The following SPOCK3 variants were observed in gnomAD, a reference collection of about 807,000 sequenced individuals.
SPOCK3 encodes SPARC (osteonectin), cwcv and kazal like domains proteoglycan 3, also known as testican-3.
A neutral mutation model predicts 56.6 loss-of-function variants in SPOCK3; 30 were observed. The observed-to-expected ratio is 0.53, with a 90% confidence interval of 0.40 to 0.72. The LOEUF is 0.72. SPOCK3 is among the 30% of genes least tolerant of loss of function. The probability of loss-of-function intolerance (pLI) is 0.00; values close to 1 mark genes in which losing one functional copy is unlikely to be tolerated. For missense variants in SPOCK3, 527 were observed against 530.0 expected, an observed-to-expected ratio of 0.99 and a Z score of 0.06; for synonymous variants, 196 against 183.3, an observed-to-expected ratio of 1.07 and a Z score of -0.56.
rs148762838 is a variant in SPOCK3, at chr4:166,859,912, G to C, written c.589+29218C>G. The stretch of plus-strand genomic sequence containing the variant: ...ATATTTTATAAGTAATCTGTGAAGA[G>C]AGTTTACAAATGTATCGGTGACAAG... On this transcript the variant is annotated intron_variant, in intron 6 of 10. Coordinates refer to ENST00000357545, the MANE Select transcript of SPOCK3 (RefSeq NM_001040159.2). Among the ~76,000 whole-genome samples the C allele has an allele frequency of 2.5e-3, 377 of 152,190 alleles. 2 individuals are homozygous for C. Among genetic ancestry groups the C allele is most frequent in the African/African-American group, 8.4e-3 (348 of 41,540 alleles).
At chr4:167,073,035 T>C (rs1756834010) in intron 2 of SPOCK3, among the ~76,000 whole-genome samples, 1 of 151,770 alleles carries the variant, frequency 6.6e-6, no homozygotes, top group Admixed American at 6.6e-5. Flanking sequence ...TCCATATTTA[T>C]TTTGCATTCT....
intron 6 of SPOCK3, among the ~76,000 whole-genome samples, chr4:166,841,079 G>A (rs1010914600): frequency 6.6e-5 from 10 of 151,074 alleles, no homozygotes; most frequent in East Asian, 5.8e-4. Context: ...CGCCCGGCCC[G>A]CAGAAGTTTT....
At chr4:166,752,561 TATATATATATATACAC>T (rs1321612225) in intron 8 of SPOCK3, among the ~76,000 whole-genome samples, 6 of 27,862 alleles carry the variant, frequency 2.2e-4, no homozygotes, top group Admixed American at 1.2e-3. Context: ...TGTATATATA[TATATATATATATACAC>T]ACACACACAC....
intron 3 of SPOCK3, among the ~76,000 whole-genome samples, chr4:167,018,539 C>A (rs1750865010): frequency 6.6e-6 from 1 of 152,106 alleles, no homozygotes; most frequent in Non-Finnish European, 1.5e-5. Context: ...GGCATCTGTG[C>A]ACTCGATGAC....
chr4:166,903,102 ATATT>A (rs1479094775), intron 5 of SPOCK3, among the ~76,000 whole-genome samples: 3 of 147,218 alleles, frequency 2.0e-5, no homozygotes, highest in African/African-American at 7.4e-5. Context: ...TATTTAATTT[ATATT>A]TATTTATAAA....
intron 3 of SPOCK3, among the ~76,000 whole-genome samples, chr4:167,028,358 CAG>C (rs1751920176): frequency 6.6e-6 from 1 of 151,328 alleles, no homozygotes; most frequent in South Asian, 2.1e-4. Context: ...GCCTGTGTGA[CAG>C]AGTGAAACCG....
chr4:166,879,867 T>G (rs1388753441), intron 6 of SPOCK3, among the ~76,000 whole-genome samples: 2 of 152,074 alleles, frequency 1.3e-5, no homozygotes. Flanking sequence ...TCTCATAAGA[T>G]CTGGTTGTTT....
intron 3 of SPOCK3, among the ~76,000 whole-genome samples, chr4:167,056,669 T>G (rs1489913317): frequency 6.6e-6 from 1 of 151,976 alleles, no homozygotes; most frequent in Non-Finnish European, 1.5e-5. Context: ...TGCGATCAAC[T>G]GGAAGAAAGG....
intron 2 of SPOCK3, among the ~76,000 whole-genome samples, chr4:167,197,610 GA>G (rs34905918): frequency 0.23 from 32,512 of 139,884 alleles, 3,612 homozygotes; most frequent in Admixed American, 0.3. Flanking sequence ...CCTTCAACCA[GA>G]AAAAAAAAAA....
chr4:167,202,657 A>G (rs1733631067), intron 2 of SPOCK3, among the ~76,000 whole-genome samples: 1 of 151,984 alleles, frequency 6.6e-6, no homozygotes, highest in Non-Finnish European at 1.5e-5. Context: ...TCAACTGTGA[A>G]GGGTAGAGAT....
intron 3 of SPOCK3, among the ~76,000 whole-genome samples, chr4:167,002,374 C>A (rs1487852668): frequency 6.6e-6 from 1 of 151,606 alleles, no homozygotes; most frequent in African/African-American, 2.4e-5. Flanking sequence ...TTTACATAAC[C>A]ATGAGATTTA....
At chr4:167,073,748 AT>A (rs1246898129) in intron 2 of SPOCK3, among the ~76,000 whole-genome samples, 2 of 151,922 alleles carry the variant, frequency 1.3e-5, no homozygotes, top group African/African-American at 4.8e-5. Context: ...TTCTACATGT[AT>A]AAATTGAGAA....
chr4:166,750,704 C>T (rs1391768093), intron 8 of SPOCK3, among the ~76,000 whole-genome samples: 1 of 152,054 alleles, frequency 6.6e-6, no homozygotes, highest in East Asian at 1.9e-4. Context: ...AGTAACAATG[C>T]ACTTTTATTT....
chr4:166,967,704 C>T lies in SPOCK3; in HGVS notation c.350+32645G>A, dbSNP rs574375577. 3.9e-5 allele frequency among the ~76,000 whole-genome samples: 6 copies of T among 152,212 alleles called. No homozygotes were observed. The South Asian group carries it at 1.0e-3, about 26-fold the overall frequency. ...CCCACTCTTGGGTAATTCTTTATTGCAGTGTGAGAATTAATACAGAAAATT... is the reference window on the plus strand; with the variant it reads ...CCCACTCTTGGGTAATTCTTTATTGTAGTGTGAGAATTAATACAGAAAATT... On this transcript the variant is annotated intron_variant, in intron 4 of 10. Coordinates refer to ENST00000357545, the MANE Select transcript of SPOCK3 (RefSeq NM_001040159.2).
chr4:167,020,856 A>G (rs1751099528), intron 3 of SPOCK3, among the ~76,000 whole-genome samples: 1 of 152,046 alleles, frequency 6.6e-6, no homozygotes, highest in Non-Finnish European at 1.5e-5. Flanking sequence ...AACAATCAAA[A>G]CAGCATGTTT....
At chr4:167,201,230 C>A (rs577549502) in intron 2 of SPOCK3, among the ~76,000 whole-genome samples, 1 of 152,046 alleles carries the variant, frequency 6.6e-6, no homozygotes, top group South Asian at 2.1e-4. Context: ...ACTGTATTAT[C>A]TCTTTTCAAC....
Position 166,754,741 on chromosome 4 carries a change from A to C in SPOCK3, c.710-12T>G. On this transcript the variant is annotated splice_polypyrimidine_tract_variant and intron_variant, in intron 7 of 10. Coordinates refer to ENST00000357545, the MANE Select transcript of SPOCK3 (RefSeq NM_001040159.2). ...GCTGGTATCGAATCCTAAAGGCAAA[A>C]AAAAGAAAATGATTAGTTAAATATG... 1 of 1,612,446 alleles carries C rather than the reference A, an allele frequency of 6.2e-7. No homozygotes were observed. Among genetic ancestry groups the C allele is most frequent in the Middle Eastern group, 1.7e-4 (1 of 6,056 alleles).
chr4:166,952,950 C>G (rs539283658), intron 4 of SPOCK3, among the ~76,000 whole-genome samples: 9 of 147,856 alleles, frequency 6.1e-5, no homozygotes, highest in Non-Finnish European at 8.9e-5. Context: ...GGATTAAAGA[C>G]TTAAACGTTA....
At chr4:167,100,476 TTC>T (rs199725725) in intron 2 of SPOCK3, among the ~76,000 whole-genome samples, 40 of 147,584 alleles carry the variant, frequency 2.7e-4, no homozygotes, top group Non-Finnish European at 5.1e-4. Context: ...CACACCCACA[TTC>T]TCTCTCTCTC....
Sources: gnomAD v4.1 joint callset for allele counts (sites outside exome capture counted in the v4.1 genomes callset) on GRCh38, gnomAD v4.1.1 for gene constraint, MANE v1.5 for transcripts, NCBI Gene and HGNC (gene_info 2026-07-23, HGNC 2026-07-21) for gene names.